GIPC2: variants seen among roughly 807,000 people sequenced by gnomAD.
GIPC2 encodes the protein PDZ domain-containing protein GIPC2.
GIPC2 carries 30 observed loss-of-function variants against 30.6 expected under a neutral mutation model. The ratio of observed to expected loss-of-function variants is 0.98; its 90% CI spans 0.73 to 1.33. The LOEUF (loss-of-function observed/expected upper bound fraction) is 1.33. Among genes scored for constraint, GIPC2 ranks in the 40% most tolerant of loss-of-function variants. The pLI is 0.00. For synonymous variants in GIPC2, 167 were observed against 150.0 expected, an observed-to-expected ratio of 1.11 and a Z score of -0.83; for missense variants, 414 against 390.3, an observed-to-expected ratio of 1.06 and a Z score of -0.51.
chr1:78,075,456 AAAAT>A (rs1347003064), intron 1 of GIPC2, among the ~76,000 whole-genome samples: 1 of 152,200 alleles, frequency 6.6e-6, no homozygotes, highest in African/African-American at 2.4e-5. Context: ...ACCCTGTCTC[AAAAT>A]AAATAAGAGG....
At chr1:78,129,032 G>A (rs115924400) in intron 5 of GIPC2, among the ~76,000 whole-genome samples, 209 of 107,444 alleles carry the variant, frequency 1.9e-3, no homozygotes, top group Non-Finnish European at 3.7e-3. Context: ...ATAAATAAAT[G>A]AAAAAAAAAA....
intron 4 of GIPC2, among the ~76,000 whole-genome samples, chr1:78,120,552 T>C (rs533039974): frequency 5.3e-5 from 8 of 152,284 alleles, no homozygotes; most frequent in African/African-American, 1.9e-4. Flanking sequence ...ACACTGCTAA[T>C]AAAGACATAC....
chr1:78,080,878 A>G lies in GIPC2; in HGVS notation c.426+18A>G. The stretch of plus-strand genomic sequence containing the variant: ...TTATAAAGGTAAGTTTTAAAAAATA[A>G]CAGTGTAACCTAATTGAGGATAACA... On this transcript the variant is annotated intron_variant, in intron 2 of 5. Coordinates refer to ENST00000370759, the MANE Select transcript of GIPC2 (RefSeq NM_017655.6). The G allele has an allele frequency of 6.8e-7, 1 of 1,470,974 alleles. No individual in the cohort carries two copies. The highest frequency in any genetic ancestry group is 9.3e-7 in the Non-Finnish European group (1 of 1,071,706). The allele number at this position is 1,470,974 out of a possible 1,614,324, so 91.1% of individuals were successfully genotyped here.
intron 1 of GIPC2, among the ~76,000 whole-genome samples, chr1:78,051,987 C>T (rs1358315784): frequency 6.6e-6 from 1 of 152,212 alleles, no homozygotes; most frequent in African/African-American, 2.4e-5. Context: ...CTAAACCTTT[C>T]ATGGCTTCCC....
At chr1:78,108,841 C>T (rs1182053063) in intron 3 of GIPC2, among the ~76,000 whole-genome samples, 47 of 152,130 alleles carry the variant, frequency 3.1e-4, no homozygotes, top group Admixed American at 3.1e-3. Context: ...TGGGTTGCCT[C>T]ATTACTTGGA....
chr1:78,117,703 C>A (rs1013485744), intron 3 of GIPC2, among the ~76,000 whole-genome samples: 20 of 152,142 alleles, frequency 1.3e-4, no homozygotes, highest in African/African-American at 4.3e-4. Flanking sequence ...CCCCTCCCCA[C>A]CTGCCTCTTC....
At chr1:78,129,231 G>T (rs1046765679) in intron 5 of GIPC2, among the ~76,000 whole-genome samples, 1 of 152,150 alleles carries the variant, frequency 6.6e-6, no homozygotes, top group African/African-American at 2.4e-5. Flanking sequence ...GAGGTAAAGT[G>T]TAAGGAAAGT....
chr1:78,082,344 T>C (rs145316797), intron 2 of GIPC2, among the ~76,000 whole-genome samples: 128 of 152,354 alleles, frequency 8.4e-4, no homozygotes, highest in African/African-American at 3.0e-3. Context: ...TGCTGATGCA[T>C]TGTCACCATT....
chr1:78,104,513 C>T (rs1662307766), intron 3 of GIPC2, among the ~76,000 whole-genome samples: 1 of 151,942 alleles, frequency 6.6e-6, no homozygotes, highest in African/African-American at 2.4e-5. Flanking sequence ...AGAGGATAAA[C>T]CATGTAAGAG....
upstream of GIPC2, chr1:78,045,853 G>C: frequency 3.1e-6 from 4 of 1,308,382 alleles, no homozygotes; most frequent in Non-Finnish European, 2.9e-6. Context: ...CTGGTGATAG[G>C]ATGAGGGACT....
chr1:78,082,139 T>C (rs483760), intron 2 of GIPC2, among the ~76,000 whole-genome samples: 34,342 of 152,070 alleles, frequency 0.23, 4,217 homozygotes, highest in East Asian at 0.5. Context: ...ATTTCCAACC[T>C]TATTTTACAG....
At chr1:78,106,234 CAAAAAA>C (rs768556241) in intron 3 of GIPC2, among the ~76,000 whole-genome samples, 26 of 52,830 alleles carry the variant, frequency 4.9e-4, no homozygotes, top group African/African-American at 1.3e-3. Context: ...GACTCTGTCT[CAAAAAA>C]AAAAAAAAAA....
At chr1:78,074,973 C>T (rs182780485) in intron 1 of GIPC2, among the ~76,000 whole-genome samples, 3 of 152,166 alleles carry the variant, frequency 2.0e-5, no homozygotes, top group African/African-American at 7.2e-5. Flanking sequence ...CATAATGATT[C>T]TATCAGTTAG....
intron 1 of GIPC2, among the ~76,000 whole-genome samples, chr1:78,046,714 C>T (rs1349188141): frequency 6.6e-6 from 1 of 152,160 alleles, no homozygotes; most frequent in Non-Finnish European, 1.5e-5. Context: ...TCCACTTCAT[C>T]TGGACTTTAC....
chr1:78,084,869 C>T (rs1661897391), intron 2 of GIPC2, among the ~76,000 whole-genome samples: 1 of 152,160 alleles, frequency 6.6e-6, no homozygotes, highest in Non-Finnish European at 1.5e-5. Context: ...GATACAGAAT[C>T]ATGTCATCTG....
chr1:78,098,216 C>G (rs2100384713), intron 3 of GIPC2, among the ~76,000 whole-genome samples: 1 of 152,212 alleles, frequency 6.6e-6, no homozygotes, highest in Non-Finnish European at 1.5e-5. Flanking sequence ...TTTTATTTTT[C>G]TGCTATGAGT....
chr1:78,096,491 G>GT (rs200429118), intron 3 of GIPC2, among the ~76,000 whole-genome samples: 2,785 of 135,276 alleles, frequency 0.021, 58 homozygotes, highest in African/African-American at 0.052. Context: ...AAATTTTTCT[G>GT]TTTTTTTTTT....
Position 78,046,287 on chromosome 1 carries a change from G to A in GIPC2, c.193G>A (p.Glu65Lys). 1 of 1,612,040 alleles carries A rather than the reference G, an allele frequency of 6.2e-7. No individual in the cohort carries two copies. Among genetic ancestry groups the A allele is most frequent in the East Asian group, 2.2e-5 (1 of 44,758 alleles). The change falls in exon 1 of 6, where the codon GAG becomes AAG. Residue 65 changes from glutamate to lysine, a missense_variant. By Grantham distance (56) the Glu-to-Lys change is moderately conservative (BLOSUM62 1). Coordinates refer to ENST00000370759, the MANE Select transcript of GIPC2 (RefSeq NM_017655.6). ...GRVEGFSSIQELYAQIAGAFE... is the reference protein window; with the variant it reads ...GRVEGFSSIQKLYAQIAGAFE... ...AGTGGAGGGCTTCTCCAGCATCCAG[G>A]AGCTCTACGCCCAGATCGCGGGCGC...
intron 2 of GIPC2, among the ~76,000 whole-genome samples, chr1:78,083,962 T>C (rs640935): frequency 0.2 from 30,739 of 151,802 alleles, 3,382 homozygotes; most frequent in East Asian, 0.39. Flanking sequence ...TACTAGAGAT[T>C]GATAGTCAAG....
Sources: allele counts gnomAD v4.1 joint callset (sites outside exome capture counted in the v4.1 genomes callset), GRCh38; gene constraint gnomAD v4.1.1; transcripts MANE v1.5; gene names NCBI Gene and HGNC (gene_info 2026-07-23, HGNC 2026-07-21).